DAB1: variants seen among roughly 807,000 people sequenced by gnomAD.
DAB1 encodes the protein disabled homolog 1.
Under a neutral mutation model 64.6 loss-of-function variants are expected in DAB1, and 15 were observed. The ratio of observed to expected loss-of-function variants is 0.23; its 90% CI spans 0.16 to 0.36. The LOEUF (loss-of-function observed/expected upper bound fraction) is 0.36, where lower values mean the gene tolerates loss of function less well. Ranked by LOEUF, DAB1 falls within the 10% of genes least tolerant of loss-of-function variation. The pLI is 1.00. For synonymous variants in DAB1, 235 were observed against 251.9 expected, an observed-to-expected ratio of 0.93 and a Z score of 0.64; for missense variants, 596 against 706.7, an observed-to-expected ratio of 0.84 and a Z score of 1.78.
At chr1:58,078,935 T>C (rs781099347) in intron 5 of DAB1, among the ~76,000 whole-genome samples, 2 of 152,172 alleles carry the variant, frequency 1.3e-5, no homozygotes, top group Non-Finnish European at 2.9e-5. Flanking sequence ...CATAGCACCA[T>C]AGAAAGCATG....
chr1:57,813,277 A>G (rs1651711623), intron 6 of DAB1, among the ~76,000 whole-genome samples: 1 of 152,238 alleles, frequency 6.6e-6, no homozygotes. Flanking sequence ...ATCAATTCTT[A>G]AGAACCAATA....
chr1:57,112,001 AAAT>A (rs1655704596), intron 4 of DAB1, among the ~76,000 whole-genome samples: 1 of 152,232 alleles, frequency 6.6e-6, no homozygotes, highest in Non-Finnish European at 1.5e-5. Flanking sequence ...AATGTCTGCC[AAAT>A]AAGAATAATG....
chr1:57,443,175 TTAC>T (rs1393048098), intron 7 of DAB1, among the ~76,000 whole-genome samples: 1 of 152,224 alleles, frequency 6.6e-6, no homozygotes, highest in Non-Finnish European at 1.5e-5. Flanking sequence ...ATATCTGGAC[TTAC>T]TCCATCAATC....
At position 58,006,251 on chromosome 1, in the gene DAB1, C is replaced by T. The variant is rs542472670; in HGVS notation, n.388-122089G>A. On this transcript the variant is annotated intron_variant and non_coding_transcript_variant, in intron 5 of 20. Coordinates refer to the DAB1 transcript ENST00000485760. ...ATAAAAAGACACTAGAATATCCTGCCTTTATTACTTAGAGATTGAGTGACT... is the reference window on the plus strand; with the variant it reads ...ATAAAAAGACACTAGAATATCCTGCTTTTATTACTTAGAGATTGAGTGACT... Among the ~76,000 whole-genome samples the T allele has an allele frequency of 7.2e-5, 11 of 152,242 alleles. 1 individual carries two copies. Among genetic ancestry groups the T allele is most frequent in the African/African-American group, 2.6e-4 (11 of 41,552 alleles).
At chr1:57,193,586 C>T (rs1664359288) in intron 2 of DAB1, among the ~76,000 whole-genome samples, 1 of 151,954 alleles carries the variant, frequency 6.6e-6, no homozygotes, top group Non-Finnish European at 1.5e-5. Flanking sequence ...CGGGGTTTCA[C>T]CATGTTAGCC....
At chr1:58,179,929 A>C (rs1656683591) in intron 4 of DAB1, among the ~76,000 whole-genome samples, 1 of 152,118 alleles carries the variant, frequency 6.6e-6, no homozygotes, top group South Asian at 2.1e-4. Context: ...TTGGAAAAAA[A>C]CAATAAAAAA....
intron 9 of DAB1, among the ~76,000 whole-genome samples, chr1:57,055,852 C>T (rs1649703000): frequency 6.6e-6 from 1 of 152,058 alleles, no homozygotes; most frequent in South Asian, 2.1e-4. Flanking sequence ...GAAGGCCTAC[C>T]TTAGAAACAG....
intron 1 of DAB1, among the ~76,000 whole-genome samples, chr1:57,883,177 T>A (rs1271483555): frequency 6.6e-6 from 1 of 152,170 alleles, no homozygotes; most frequent in East Asian, 1.9e-4. Flanking sequence ...TACCAACCCC[T>A]CTTCTATTTT....
chr1:58,415,992 A>G (rs1229969562), intron 3 of DAB1, among the ~76,000 whole-genome samples: 1 of 152,216 alleles, frequency 6.6e-6, no homozygotes. Context: ...CATTTGTGAC[A>G]CGTGGTAAGT....
intron 2 of DAB1, among the ~76,000 whole-genome samples, chr1:57,224,874 C>T (rs974793790): frequency 7.2e-5 from 11 of 152,136 alleles, no homozygotes; most frequent in African/African-American, 2.4e-4. Context: ...AGCCAGGCCC[C>T]CAGACCTCTG....
intron 4 of DAB1, among the ~76,000 whole-genome samples, chr1:57,111,850 A>G (rs566583525): frequency 6.6e-6 from 1 of 152,320 alleles, no homozygotes; most frequent in East Asian, 1.9e-4. Flanking sequence ...GTATAGATAA[A>G]TGACTAAATA....
intron 7 of DAB1, among the ~76,000 whole-genome samples, chr1:57,616,477 C>A (rs139678693): frequency 6.3e-4 from 96 of 152,252 alleles, no homozygotes; most frequent in Non-Finnish European, 1.1e-3. Flanking sequence ...AGTAAACACT[C>A]AACAGACAGT....
At chr1:57,114,687 GAT>G (rs2100733419) in intron 4 of DAB1, among the ~76,000 whole-genome samples, 1 of 152,318 alleles carries the variant, frequency 6.6e-6, no homozygotes, top group South Asian at 2.1e-4. Flanking sequence ...GTTTCACTCA[GAT>G]ATTTTACTCT....
At chr1:58,026,032 G>A (rs114274644) in intron 5 of DAB1, among the ~76,000 whole-genome samples, 2,034 of 152,068 alleles carry the variant, frequency 0.013, 39 homozygotes, top group African/African-American at 0.043. Flanking sequence ...TTCTCTAATA[G>A]CTCTCTAATA....
chr1:57,298,174 T>C (rs911781179), intron 1 of DAB1, among the ~76,000 whole-genome samples: 12 of 152,170 alleles, frequency 7.9e-5, no homozygotes, highest in Non-Finnish European at 1.6e-4. Flanking sequence ...ACCATGGCAA[T>C]TTGGAAAAGG....
At chr1:57,727,015 G>A (rs911049346) in intron 6 of DAB1, among the ~76,000 whole-genome samples, 1 of 152,180 alleles carries the variant, frequency 6.6e-6, no homozygotes, top group Non-Finnish European at 1.5e-5. Context: ...GTGAATTTAT[G>A]AAAAGAACAC....
chr1:57,565,741 T>C (rs192934027), intron 7 of DAB1, among the ~76,000 whole-genome samples: 6 of 152,268 alleles, frequency 3.9e-5, no homozygotes, highest in Admixed American at 3.9e-4. Flanking sequence ...TAAATATATA[T>C]GCACCCAATA....
chr1:57,159,717 C>T (rs544098319), intron 2 of DAB1, among the ~76,000 whole-genome samples: 1 of 152,164 alleles, frequency 6.6e-6, no homozygotes, highest in African/African-American at 2.4e-5. Context: ...ATTTCAGTCA[C>T]AGGGCCCAAA....
intron 4 of DAB1, among the ~76,000 whole-genome samples, chr1:57,084,909 A>G (rs1212638920): frequency 1.3e-5 from 2 of 152,150 alleles, no homozygotes; most frequent in East Asian, 1.9e-4. Context: ...ACAAGGATCA[A>G]TTGTTTCTCT....
Sources: allele counts gnomAD v4.1 joint callset (sites outside exome capture counted in the v4.1 genomes callset), GRCh38; gene constraint gnomAD v4.1.1; transcripts MANE v1.5; gene names NCBI Gene and HGNC (gene_info 2026-07-23, HGNC 2026-07-21).